The following RBMS3 variants were observed in gnomAD, a reference collection of about 807,000 sequenced individuals.
RBMS3 encodes the protein RNA binding motif single stranded interacting protein 3, also known as RNA-binding motif, single-stranded-interacting protein 3.
Under a neutral mutation model 66.8 loss-of-function variants are expected in RBMS3, and 27 were observed. The ratio of observed to expected loss-of-function variants is 0.40; its 90% CI spans 0.30 to 0.56. The LOEUF is 0.56. RBMS3 is among the 20% of genes least tolerant of loss of function. RBMS3 has a pLI of 0.40. For synonymous variants in RBMS3, 188 were observed against 183.0 expected, an observed-to-expected ratio of 1.03 and a Z score of -0.22; for missense variants, 513 against 549.5, an observed-to-expected ratio of 0.93 and a Z score of 0.66.
chr3:29,806,491 A>C (rs560763155), intron 6 of RBMS3, among the ~76,000 whole-genome samples: 17 of 151,994 alleles, frequency 1.1e-4, no homozygotes, highest in Non-Finnish European at 2.4e-4. Context: ...CCTATTGACC[A>C]TATCAACTGA....
chr3:29,902,223 G>A (rs1241474853), intron 10 of RBMS3, among the ~76,000 whole-genome samples: 1 of 151,690 alleles, frequency 6.6e-6, no homozygotes, highest in African/African-American at 2.4e-5. Context: ...AAATAATTAT[G>A]TTTTGTTCAT....
chr3:29,376,463 G>A (rs375758819), intron 1 of RBMS3, among the ~76,000 whole-genome samples: 1 of 152,106 alleles, frequency 6.6e-6, no homozygotes, highest in Admixed American at 6.5e-5. Flanking sequence ...AATGTTTCAC[G>A]GGAGCAGTTA....
rs564741410 is a variant in RBMS3 at position 29,338,174 on chromosome 3, C to T, written c.75+56418C>T. Among the ~76,000 whole-genome samples, 11 of 152,192 alleles carry T rather than the reference C, an allele frequency of 7.2e-5. No homozygotes were observed. The South Asian group carries it at 1.7e-3, about 23-fold the overall frequency. ...GGTCTCTTTAAGCTTTTTTTAAAAA[C>T]GAAGCTCCACATCTATTTTGTCTTT... On this transcript the variant is annotated intron_variant, in intron 1 of 14. Transcript: ENST00000383767.
chr3:29,427,974 TC>T (rs1383285258), intron 1 of RBMS3, among the ~76,000 whole-genome samples: 1 of 152,226 alleles, frequency 6.6e-6, no homozygotes, highest in Non-Finnish European at 1.5e-5. Context: ...GAAGTATGTT[TC>T]AGACTTAGTC....
chr3:29,653,089 C>T (rs2050199906), intron 4 of RBMS3, among the ~76,000 whole-genome samples: 1 of 151,964 alleles, frequency 6.6e-6, no homozygotes, highest in South Asian at 2.1e-4. Context: ...AATGAACAGC[C>T]TTGGTGAAGA....
At position 29,439,593 on chromosome 3, in the gene RBMS3, T is replaced by TTTTA. The variant is rs3041548; in HGVS notation, c.248+4694_248+4697dup. Reference sequence around the variant, plus strand: ...ATGAGTTGATTTTTAGTTAATCTCTTTTTATTTATTTATTTATTTTTATTA... The same window carrying TTTTA: ...ATGAGTTGATTTTTAGTTAATCTCTTTTTATTTATTTATTTATTTATTTTTATTA... On this transcript the variant is annotated intron_variant, in intron 2 of 14. Coordinates refer to ENST00000383767, the MANE Select transcript of RBMS3 (RefSeq NM_001003793.3). 8.6e-3 allele frequency among the ~76,000 whole-genome samples: 1,287 copies of TTTTA among 149,200 alleles called. 23 individuals are homozygous for TTTTA. Among genetic ancestry groups the TTTTA allele is most frequent in the African/African-American group, 0.027 (1,086 of 40,720 alleles).
chr3:29,783,128 G>A (rs1576791117), intron 6 of RBMS3, among the ~76,000 whole-genome samples: 1 of 152,140 alleles, frequency 6.6e-6, no homozygotes, highest in East Asian at 1.9e-4. Flanking sequence ...ACACATTTGA[G>A]GGAATAATCC....
At chr3:29,809,799 C>A (rs2057676375) in intron 6 of RBMS3, among the ~76,000 whole-genome samples, 1 of 151,840 alleles carries the variant, frequency 6.6e-6, no homozygotes, top group Admixed American at 6.6e-5. Context: ...GCAGTTTAGG[C>A]CGAAATGCTT....
In RBMS3 at chr3:29,449,097, A is replaced by G. The variant is rs75714422; in HGVS notation, c.248+14182A>G. 6.0e-4 allele frequency among the ~76,000 whole-genome samples: 92 copies of G among 152,326 alleles called. 2 individuals are homozygous for G. In the East Asian group the frequency reaches 0.016, roughly 27 times the overall value. On this transcript the variant is annotated intron_variant, in intron 2 of 14. Coordinates refer to ENST00000383767, the MANE Select transcript of RBMS3 (RefSeq NM_001003793.3). The stretch of plus-strand genomic sequence containing the variant: ...CATCATTTGTGGATGACACCAAACC[A>G]TAATGCTAACTTGTCTCAAAAATGC...
intron 3 of RBMS3, among the ~76,000 whole-genome samples, chr3:29,578,322 C>T (rs552743842): frequency 6.6e-6 from 1 of 152,088 alleles, no homozygotes; most frequent in African/African-American, 2.4e-5. Flanking sequence ...TTGTTTTTAC[C>T]GTGTACATTT....
At chr3:29,576,440 A>G (rs2047122994) in intron 3 of RBMS3, among the ~76,000 whole-genome samples, 1 of 152,132 alleles carries the variant, frequency 6.6e-6, no homozygotes, top group Non-Finnish European at 1.5e-5. Context: ...TGAAACCTGC[A>G]TAGCACTGAG....
Position 29,834,579 on chromosome 3 carries a change from A to G in RBMS3, c.638-34279A>G, listed in dbSNP as rs13325896. Among the ~76,000 whole-genome samples, 249 of 152,142 alleles carry G rather than the reference A, an allele frequency of 1.6e-3. 1 individual carries two copies. Among genetic ancestry groups the G allele is most frequent in the African/African-American group, 5.8e-3 (240 of 41,544 alleles). ...CACGTAAAATAGATTGTTATAACTA[A>G]AGGATGTACTATGTAAGCCTAAAGG... is the stretch of plus-strand genomic sequence containing the variant. On this transcript the variant is annotated intron_variant, in intron 6 of 14. Transcript: ENST00000383767.
chr3:29,371,548 A>C (rs1380747612), intron 1 of RBMS3, among the ~76,000 whole-genome samples: 2 of 152,244 alleles, frequency 1.3e-5, no homozygotes, highest in Non-Finnish European at 2.9e-5. Flanking sequence ...TAACCATATT[A>C]AAACATGATA....
chr3:29,566,676 T>C (rs1318515289), intron 3 of RBMS3, among the ~76,000 whole-genome samples: 4 of 151,288 alleles, frequency 2.6e-5, no homozygotes, highest in Non-Finnish European at 4.4e-5. Context: ...GAGTATACAT[T>C]GTGCGATTCA....
chr3:29,482,868 C>T (rs1382157707), intron 2 of RBMS3, among the ~76,000 whole-genome samples: 4 of 151,172 alleles, frequency 2.6e-5, no homozygotes, highest in South Asian at 2.1e-4. Context: ...CCACCACGCC[C>T]GGCTATTTTT....
At chr3:29,522,596 G>A (rs1325889601) in intron 3 of RBMS3, among the ~76,000 whole-genome samples, 1 of 152,198 alleles carries the variant, frequency 6.6e-6, no homozygotes, top group Non-Finnish European at 1.5e-5. Context: ...TTACTATTAA[G>A]TCAGAAGGTG....
chr3:29,665,721 G>A (rs907791831), intron 4 of RBMS3, among the ~76,000 whole-genome samples: 32 of 152,046 alleles, frequency 2.1e-4, no homozygotes, highest in Non-Finnish European at 4.3e-4. Context: ...AAACTAGCTT[G>A]ATCTTTTTTA....
intron 2 of RBMS3, among the ~76,000 whole-genome samples, chr3:29,473,072 C>T (rs528378912): frequency 8.6e-5 from 13 of 151,816 alleles, no homozygotes; most frequent in African/African-American, 2.7e-4. Flanking sequence ...TTGAGCTAGG[C>T]ACAGGGTGCT....
chr3:29,517,271 ATGTGTGTGTG>A (rs58702096), intron 3 of RBMS3, among the ~76,000 whole-genome samples: 23 of 129,640 alleles, frequency 1.8e-4, no homozygotes, highest in African/African-American at 5.7e-4. Context: ...GATTTCATAT[ATGTGTGTGTG>A]TGTGTGTGTG....
Sources: gnomAD v4.1 joint callset for allele counts (sites outside exome capture counted in the v4.1 genomes callset) on GRCh38, gnomAD v4.1.1 for gene constraint, MANE v1.5 for transcripts, NCBI Gene and HGNC (gene_info 2026-07-23, HGNC 2026-07-21) for gene names.